Variants in BAZ2B observed in about 807,000 individuals in gnomAD.
The protein encoded by BAZ2B is bromodomain adjacent to zinc finger domain 2B.
In BAZ2B, 91 loss-of-function variants were observed where a neutral mutation model predicts 246.0. The observed-to-expected ratio is 0.37, with a 90% CI of 0.31 to 0.44. The LOEUF (loss-of-function observed/expected upper bound fraction) is 0.44, where lower values mean the gene tolerates loss of function less well. BAZ2B is among the 20% of genes least tolerant of loss of function. The pLI is 1.00. For missense variants in BAZ2B, 2,332 were observed against 2,533.7 expected (o/e 0.92, Z 1.71); for synonymous variants, 855 against 860.0 (o/e 0.99, Z 0.10).
intron 2 of BAZ2B, among the ~76,000 whole-genome samples, chr2:159,491,578 G>A (rs1050937767): frequency 6.0e-5 from 9 of 149,518 alleles, no homozygotes; most frequent in Non-Finnish European, 1.0e-4. Context: ...AAAATTAGCC[G>A]GGCGTAGTGG....
At chr2:159,594,973 T>A (rs140012398) in intron 1 of BAZ2B, among the ~76,000 whole-genome samples, 27 of 152,288 alleles carry the variant, frequency 1.8e-4, no homozygotes, top group African/African-American at 6.3e-4. Flanking sequence ...TTTTGCAGCA[T>A]GGCAGCTTGA....
intron 2 of BAZ2B, among the ~76,000 whole-genome samples, chr2:159,551,087 T>C (rs1482829284): frequency 2.6e-5 from 4 of 152,118 alleles, no homozygotes; most frequent in Non-Finnish European, 1.5e-5. Flanking sequence ...ATCCCCCCTG[T>C]TGGGCTCCCA....
chr2:159,510,080 T>C (rs1374625946), intron 2 of BAZ2B, among the ~76,000 whole-genome samples: 2 of 152,180 alleles, frequency 1.3e-5, no homozygotes, highest in Non-Finnish European at 2.9e-5. Flanking sequence ...ATTCCACTTA[T>C]GAAAAATATG....
At chr2:159,448,534 T>G in intron 4 of BAZ2B, 125 bp from the exon 5 acceptor site, 8 of 1,103,610 alleles carry the variant, frequency 7.2e-6, no homozygotes, top group Non-Finnish European at 1.0e-5. Flanking sequence ...ACTGAATTAC[T>G]CATACTTCTG....
At chr2:159,634,161 G>A in the BAZ2B span, among the ~76,000 whole-genome samples, 1 of 152,200 alleles carries the variant, frequency 6.6e-6, no homozygotes, top group Non-Finnish European at 1.5e-5. Context: ...AGACAATTAT[G>A]TTCTAGGAAT....
At chr2:159,700,178 T>C in the BAZ2B span, among the ~76,000 whole-genome samples, 1 of 152,208 alleles carries the variant, frequency 6.6e-6, no homozygotes, top group Non-Finnish European at 1.5e-5. Context: ...TAGAATTTAA[T>C]AGCAGACTTA....
chr2:159,345,211 C>CA (rs57569261), intron 31 of BAZ2B, among the ~76,000 whole-genome samples: 8,857 of 138,566 alleles, frequency 0.064, 587 homozygotes, highest in African/African-American at 0.17. Flanking sequence ...AACTTGGTCT[C>CA]AAAAAAAAAA....
At chr2:159,407,687 A>C (rs933395549) in intron 14 of BAZ2B, among the ~76,000 whole-genome samples, 7 of 152,184 alleles carry the variant, frequency 4.6e-5, no homozygotes, top group African/African-American at 1.4e-4. Context: ...AGTAAACTGG[A>C]AGTGTTAATG....
In BAZ2B at chr2:159,600,984, TTCTC is replaced by T. The variant is rs372565235; in HGVS notation, c.-46+15254_-46+15257del. On this transcript the variant is annotated intron_variant, in intron 1 of 36. Coordinates refer to ENST00000392783, the MANE Select transcript of BAZ2B (RefSeq NM_013450.4). Reference sequence around the variant, plus strand: ...TAATCCACAGGATTACAGAGAGTCATTCTCTCCCTCCTCCCACTCACATCTTCAG... The same window carrying T: ...TAATCCACAGGATTACAGAGAGTCATTCCCTCCTCCCACTCACATCTTCAG... Among the ~76,000 whole-genome samples, 59 of 151,804 alleles carry T rather than the reference TTCTC, an allele frequency of 3.9e-4. 2 individuals carry two copies. Among genetic ancestry groups the T allele is most frequent in the African/African-American group, 1.4e-3 (57 of 41,498 alleles).
intron 2 of BAZ2B, among the ~76,000 whole-genome samples, chr2:159,544,107 G>A (rs1211558639): frequency 2.0e-5 from 3 of 151,810 alleles, no homozygotes; most frequent in Non-Finnish European, 4.4e-5. Context: ...AATTTAACAT[G>A]TCCTTCTCTC....
At chr2:159,562,360 T>C (rs2089958605) in intron 1 of BAZ2B, among the ~76,000 whole-genome samples, 1 of 152,234 alleles carries the variant, frequency 6.6e-6, no homozygotes, top group African/African-American at 2.4e-5. Context: ...TAACTGGCTA[T>C]TAGACTTGGT....
chr2:159,421,886 G>A (rs78564015), intron 13 of BAZ2B, among the ~76,000 whole-genome samples: 3,903 of 152,210 alleles, frequency 0.026, 142 homozygotes, highest in African/African-American at 0.088. Context: ...AACGAGTTCA[G>A]TAAAGTTTGA....
chr2:159,641,091 G>A, the BAZ2B span, among the ~76,000 whole-genome samples: 3 of 152,076 alleles, frequency 2.0e-5, no homozygotes, highest in African/African-American at 4.8e-5. Flanking sequence ...TGTCTACCAG[G>A]AGCAACTATA....
the BAZ2B span, among the ~76,000 whole-genome samples, chr2:159,677,786 A>G: frequency 2.6e-5 from 4 of 152,208 alleles, no homozygotes; most frequent in Non-Finnish European, 5.9e-5. Flanking sequence ...ATTTAGGAAG[A>G]TAAAAACAAG....
At chr2:159,709,012 G>A in the BAZ2B span, among the ~76,000 whole-genome samples, 1 of 152,132 alleles carries the variant, frequency 6.6e-6, no homozygotes, top group Non-Finnish European at 1.5e-5. Context: ...ATTTATAAAG[G>A]CACTAAATCG....
At chr2:159,520,877 T>G (rs2151259050) in intron 2 of BAZ2B, among the ~76,000 whole-genome samples, 1 of 152,302 alleles carries the variant, frequency 6.6e-6, no homozygotes, top group East Asian at 1.9e-4. Context: ...CAATACAGTT[T>G]GATTCGTATT....
chr2:159,352,734 A>C, intron 27 of BAZ2B, among the ~76,000 whole-genome samples: 1 of 152,176 alleles, frequency 6.6e-6, no homozygotes, highest in Non-Finnish European at 1.5e-5. Context: ...ATCCACCTGC[A>C]GATTACAGGC....
chr2:159,400,587 T>C lies in BAZ2B; in HGVS notation c.2898+12A>G. On this transcript the variant is annotated intron_variant, in intron 17 of 36. Coordinates refer to ENST00000392783, the MANE Select transcript of BAZ2B (RefSeq NM_013450.4). Reference sequence around the variant, plus strand: ...TAAATTACTTTAATTATATTAAATTTAAGACTTCTACCTCTAGAATTTGCT... The same window carrying C: ...TAAATTACTTTAATTATATTAAATTCAAGACTTCTACCTCTAGAATTTGCT... 1 of 1,489,340 alleles carries C rather than the reference T, an allele frequency of 6.7e-7. No homozygotes were observed. Among genetic ancestry groups the C allele is most frequent in the East Asian group, 2.3e-5 (1 of 43,560 alleles). The allele number at this position is 1,489,340 out of a possible 1,614,324, so 92.3% of individuals were successfully genotyped here.
chr2:159,429,138 A>G (rs2150143851), intron 11 of BAZ2B, 62 bp downstream of exon 11: 3 of 1,086,204 alleles, frequency 2.8e-6, no homozygotes, highest in Non-Finnish European at 3.9e-6. Flanking sequence ...GAAATCAAGT[A>G]TACATCAAAC....
Sources: gnomAD v4.1 joint callset for allele counts (sites outside exome capture counted in the v4.1 genomes callset) on GRCh38, gnomAD v4.1.1 for gene constraint, MANE v1.5 for transcripts, NCBI Gene and HGNC (gene_info 2026-07-23, HGNC 2026-07-21) for gene names.